The following FMN2 variants were observed in gnomAD, a reference collection of about 807,000 sequenced individuals.
FMN2 encodes the protein formin-2.
Under a neutral mutation model 142.3 loss-of-function variants are expected in FMN2, and 51 were observed. The observed-to-expected ratio is 0.36, with a 90% confidence interval of 0.29 to 0.45. FMN2 has a LOEUF of 0.45. Ranked by LOEUF, FMN2 falls within the 20% of genes least tolerant of loss-of-function variation. The pLI is 1.00. For synonymous variants in FMN2, 882 were observed against 869.8 expected (o/e 1.01, Z -0.25); for missense variants, 1,936 against 2,122.8 (o/e 0.91, Z 1.73).
chr1:240,412,505 C>G (rs1211886904), intron 15 of FMN2, among the ~76,000 whole-genome samples: 1 of 152,058 alleles, frequency 6.6e-6, no homozygotes, highest in African/African-American at 2.4e-5. Flanking sequence ...ATACTGAAGG[C>G]CATAACTGGA....
At chr1:240,271,280 A>T (rs12123394) in intron 7 of FMN2, among the ~76,000 whole-genome samples, 57,024 of 151,026 alleles carry the variant, frequency 0.38, 11,258 homozygotes, top group East Asian at 0.55. Flanking sequence ...ATTCTTGGAG[A>T]CACAGGCTTT....
At chr1:240,301,875 C>A (rs1455901168) in intron 8 of FMN2, among the ~76,000 whole-genome samples, 1 of 151,196 alleles carries the variant, frequency 6.6e-6, no homozygotes, top group Non-Finnish European at 1.5e-5. Flanking sequence ...GTTTGATGGA[C>A]TTCCTGATTA....
At chr1:240,296,887 T>C (rs974616331) in intron 8 of FMN2, among the ~76,000 whole-genome samples, 1 of 152,164 alleles carries the variant, frequency 6.6e-6, no homozygotes, top group African/African-American at 2.4e-5. Flanking sequence ...CAGTTGTCAC[T>C]ATGCAAAGGG....
At chr1:240,344,735 C>T (rs1347449882) in intron 13 of FMN2, among the ~76,000 whole-genome samples, 1 of 152,112 alleles carries the variant, frequency 6.6e-6, no homozygotes, top group African/African-American at 2.4e-5. Context: ...TACTGATTGC[C>T]TGCTGTTCTG....
At chr1:240,420,144 A>G (rs1212061302) in intron 15 of FMN2, among the ~76,000 whole-genome samples, 1 of 152,028 alleles carries the variant, frequency 6.6e-6, no homozygotes, top group African/African-American at 2.4e-5. Context: ...AAGAGCTCCA[A>G]CTGCACTGTT....
intron 6 of FMN2, among the ~76,000 whole-genome samples, chr1:240,253,116 C>A (rs1042268552): frequency 6.6e-6 from 1 of 151,348 alleles, no homozygotes; most frequent in Admixed American, 6.6e-5. Flanking sequence ...CCACACCCAG[C>A]TAATTTTTGT....
intron 7 of FMN2, among the ~76,000 whole-genome samples, chr1:240,278,135 C>T (rs1471331155): frequency 6.6e-6 from 1 of 152,134 alleles, no homozygotes; most frequent in African/African-American, 2.4e-5. Context: ...TTGCTAAGTG[C>T]CCACTTTTAA....
At chr1:240,156,235 G>A (rs1485886387) in intron 2 of FMN2, among the ~76,000 whole-genome samples, 2 of 152,060 alleles carry the variant, frequency 1.3e-5, no homozygotes, top group African/African-American at 4.8e-5. Context: ...GAGCAACAGA[G>A]TAAGACCCTG....
At chr1:240,259,399 G>A (rs1006902705) in intron 7 of FMN2, among the ~76,000 whole-genome samples, 9 of 151,820 alleles carry the variant, frequency 5.9e-5, no homozygotes, top group Non-Finnish European at 1.3e-4. Context: ...ATGAAAGGCA[G>A]TAGTTGAAGG....
At position 240,230,329 on chromosome 1, in the gene FMN2, A is replaced by AAAC. The variant is rs370952237; in HGVS notation, c.4065+19109_4065+19111dup. Among the ~76,000 whole-genome samples the AAAC allele has an allele frequency of 3.9e-4, 18 of 46,440 alleles. 7 individuals are homozygous for AAAC. Among genetic ancestry groups the AAAC allele is most frequent in the African/African-American group, 1.7e-3 (18 of 10,446 alleles). The allele number at this position is 46,440 out of a possible 152,430, so 30.5% of individuals were successfully genotyped here. A position where few individuals can be genotyped will look rare whatever the true frequency, so the allele number is the denominator to read the frequency against. ...GCAAGAGAGTCAGACCCTGTCTGAA[A>AAAC]AACAACAACAACAACAAAAAAACTA... On this transcript the variant is annotated intron_variant, in intron 6 of 17. Transcript: ENST00000319653.
At chr1:240,402,929 A>G (rs2103113116) in intron 15 of FMN2, among the ~76,000 whole-genome samples, 1 of 152,338 alleles carries the variant, frequency 6.6e-6, no homozygotes. Context: ...CTACAGGTAA[A>G]AACTATATTT....
At chr1:240,157,713 A>G (rs1200253890) in intron 2 of FMN2, among the ~76,000 whole-genome samples, 3 of 152,178 alleles carry the variant, frequency 2.0e-5, no homozygotes, top group Non-Finnish European at 2.9e-5. Flanking sequence ...TGCAAAAATT[A>G]TCTCATAATA....
At chr1:240,297,766 T>G (rs1308702913) in intron 8 of FMN2, among the ~76,000 whole-genome samples, 1 of 152,204 alleles carries the variant, frequency 6.6e-6, no homozygotes, top group African/African-American at 2.4e-5. Context: ...CTGTTTGGGC[T>G]GCTATAATAG....
At chr1:240,286,710 C>T (rs1253223459) in intron 7 of FMN2, among the ~76,000 whole-genome samples, 1 of 152,072 alleles carries the variant, frequency 6.6e-6, no homozygotes, top group Non-Finnish European at 1.5e-5. Flanking sequence ...CCATCTTAAT[C>T]AGAGATGCTT....
rs1669904583 is a variant in FMN2, at chr1:240,294,624, G to T, written c.4154-198G>T. Among the ~76,000 whole-genome samples, 3 of 152,192 alleles carry T rather than the reference G, an allele frequency of 2.0e-5. No homozygotes were observed. In the South Asian group the frequency reaches 6.2e-4, roughly 31 times the overall value. On this transcript the variant is annotated intron_variant, in intron 7 of 17. Coordinates refer to ENST00000319653, the MANE Select transcript of FMN2 (RefSeq NM_020066.5). ...TTTCATGGGATTTAGTATTTGCGGA[G>T]CAAGTGAAAGCTTTAACACTTGACA... is the stretch of plus-strand genomic sequence containing the variant.
chr1:240,235,017 A>G, intron 6 of FMN2, among the ~76,000 whole-genome samples: 1 of 152,186 alleles, frequency 6.6e-6, no homozygotes, highest in East Asian at 1.9e-4. Flanking sequence ...CATCCTGTGT[A>G]TGGCAACCAG....
At chr1:240,205,660 A>G (rs947842469) in intron 4 of FMN2, among the ~76,000 whole-genome samples, 1 of 151,182 alleles carries the variant, frequency 6.6e-6, no homozygotes, top group Non-Finnish European at 1.5e-5. Flanking sequence ...ACGGGGTTTC[A>G]CTGTGTTAGC....
At chr1:240,124,284 A>T (rs1662411540) in intron 2 of FMN2, among the ~76,000 whole-genome samples, 1 of 152,072 alleles carries the variant, frequency 6.6e-6, no homozygotes. Context: ...GGGCACAGTT[A>T]TTCTTCCCAG....
At chr1:240,388,877 AG>A (rs1245822995) in intron 14 of FMN2, among the ~76,000 whole-genome samples, 2,769 of 135,790 alleles carry the variant, frequency 0.02, 73 homozygotes, top group African/African-American at 0.072. Context: ...AAAAAAAAAA[AG>A]GGGGGGGGTC....
Sources: gnomAD v4.1 joint callset for allele counts (sites outside exome capture counted in the v4.1 genomes callset) on GRCh38, gnomAD v4.1.1 for gene constraint, MANE v1.5 for transcripts, NCBI Gene and HGNC (gene_info 2026-07-23, HGNC 2026-07-21) for gene names.